BID: variants seen among roughly 807,000 people sequenced by gnomAD.
BID encodes the protein BH3 interacting domain death agonist.
In BID, 19 loss-of-function variants were observed where a neutral mutation model predicts 17.4. That is an observed-to-expected ratio of 1.09 (90% CI 0.76 to 1.60). The LOEUF (loss-of-function observed/expected upper bound fraction) is 1.60, where lower values mean the gene tolerates loss of function less well. BID is among the 40% of genes most tolerant of loss of function. The probability of loss-of-function intolerance (pLI) is 0.00; values close to 1 mark genes in which losing one functional copy is unlikely to be tolerated. For missense variants in BID, 226 were observed against 256.0 expected, an observed-to-expected ratio of 0.88 and a Z score of 0.80; for synonymous variants, 108 against 102.8, an observed-to-expected ratio of 1.05 and a Z score of -0.31.
rs141550557 is a variant in BID at position 17,760,747 on chromosome 22, A to G, written c.-58-10573T>C. Among the ~76,000 whole-genome samples, 10 of 152,244 alleles carry G rather than the reference A, an allele frequency of 6.6e-5. No individual in the cohort carries two copies. In the East Asian group the frequency reaches 1.9e-3, roughly 30 times the overall value. On this transcript the variant is annotated intron_variant, in intron 1 of 5. Transcript: ENST00000622694. The stretch of plus-strand genomic sequence containing the variant: ...TGTCCATGCAGAAGCCTGGGCCCAG[A>G]GGCTCTATTAGTCACTGGTGAAAGC...
chr22:17,756,353 C>G (rs1389086622), intron 1 of BID, among the ~76,000 whole-genome samples: 1 of 152,182 alleles, frequency 6.6e-6, no homozygotes, highest in African/African-American at 2.4e-5. Flanking sequence ...TGGTCGTTTT[C>G]CACTGGGCAA....
intron 1 of BID, among the ~76,000 whole-genome samples, chr22:17,759,786 T>G (rs1427890062): frequency 1.3e-5 from 2 of 152,100 alleles, no homozygotes; most frequent in Non-Finnish European, 2.9e-5. Flanking sequence ...TGCAAATAAC[T>G]ATATCACCAC....
intron 1 of BID, among the ~76,000 whole-genome samples, chr22:17,757,572 G>A (rs984180608): frequency 6.6e-6 from 1 of 151,848 alleles, no homozygotes; most frequent in Admixed American, 6.6e-5. Flanking sequence ...AGCCGGGCGT[G>A]GTGGCGGGCG....
rs2061433595 is a variant in BID at position 17,738,196 on chromosome 22, G to A, written c.397C>T (p.Gln133Ter). 1 of 1,612,206 alleles carries A rather than the reference G, an allele frequency of 6.2e-7. No homozygotes were observed. The highest frequency in any genetic ancestry group is 8.5e-7 in the Non-Finnish European group (1 of 1,180,032). Reference protein sequence around the residue: ...RNRDLATALEQLLQAYPRDME... With the variant: ...RNRDLATALE ...TCTCTAGGGTAGGCCTGCAGCAGCTGCTCCAGGGCAGTGGCCAGGTCCCTG... is the reference window on the plus strand; with the variant it reads ...TCTCTAGGGTAGGCCTGCAGCAGCTACTCCAGGGCAGTGGCCAGGTCCCTG... Residue 133 changes from glutamine to a stop codon, truncating the protein, a stop_gained, in exon 5 of 6, where the codon CAG (glutamine) becomes TAG (stop). Transcript: ENST00000622694. LOFTEE classifies it high-confidence loss of function.
Position 17,755,930 on chromosome 22 carries a change from C to G in BID, c.-58-5756G>C, listed in dbSNP as rs1601861166. Among the ~76,000 whole-genome samples, 3 of 152,232 alleles carry G rather than the reference C, an allele frequency of 2.0e-5. No homozygotes were observed. In the South Asian group the frequency reaches 6.2e-4, roughly 32 times the overall value. ...TCGCCCAGGCAGGAGTACAATGGCA[C>G]GATCTCGGCTCACTGCAACCTCTGC... On this transcript the variant is annotated intron_variant, in intron 1 of 5. Coordinates refer to ENST00000622694, the MANE Select transcript of BID (RefSeq NM_001196.4).
At chr22:17,766,324 C>G (rs1423471382) in intron 1 of BID, among the ~76,000 whole-genome samples, 2 of 150,460 alleles carry the variant, frequency 1.3e-5, no homozygotes, top group African/African-American at 4.9e-5. Flanking sequence ...CTTTGTCGCC[C>G]AGGCTGGAGT....
At chr22:17,737,183 C>T (rs1330062599) in intron 5 of BID, among the ~76,000 whole-genome samples, 1 of 152,074 alleles carries the variant, frequency 6.6e-6, no homozygotes, top group East Asian at 1.9e-4. Flanking sequence ...CTCCTGGCCT[C>T]AAGCAATCCC....
At chr22:17,768,590 G>T (rs796625104) in intron 1 of BID, among the ~76,000 whole-genome samples, 5 of 152,198 alleles carry the variant, frequency 3.3e-5, no homozygotes, top group Non-Finnish European at 7.3e-5. Context: ...AAAGAACAAG[G>T]CTGGGCCGCA....
intron 1 of BID, among the ~76,000 whole-genome samples, chr22:17,772,612 GGCTCC>G (rs1388885675): frequency 3.9e-5 from 6 of 152,198 alleles, no homozygotes; most frequent in Non-Finnish European, 8.8e-5. Flanking sequence ...CTGGAAGGCA[GGCTCC>G]AGTGTCAAAT....
chr22:17,743,935 T>C lies in BID; in HGVS notation c.91A>G (p.Asn31Asp). 1 of 1,613,992 alleles carries C rather than the reference T, an allele frequency of 6.2e-7. No individual in the cohort carries two copies. Among genetic ancestry groups the C allele is most frequent in the Non-Finnish European group, 8.5e-7 (1 of 1,180,044 alleles). ...VFGFLQSCSD[N>D]SFRRELDALG... ...GCGTCCAGCTCTCTGCGGAAGCTGTTGTCAGAACAGCTTTGGAGGAAGCCA... is the reference window on the plus strand; with the variant it reads ...GCGTCCAGCTCTCTGCGGAAGCTGTCGTCAGAACAGCTTTGGAGGAAGCCA... The change falls in exon 3 of 6, where the codon AAC becomes GAC. Residue 31 changes from asparagine (N) to aspartate (D), a missense_variant. Transcript: ENST00000622694.
chr22:17,756,823 C>A (rs2061594692), intron 1 of BID, among the ~76,000 whole-genome samples: 1 of 151,972 alleles, frequency 6.6e-6, no homozygotes, highest in Admixed American at 6.6e-5. Context: ...ATCCGCCCCC[C>A]TCAGCCTCTC....
At chr22:17,747,815 C>T (rs1002033859) in intron 2 of BID, among the ~76,000 whole-genome samples, 4 of 152,002 alleles carry the variant, frequency 2.6e-5, no homozygotes, top group African/African-American at 7.2e-5. Flanking sequence ...CGGTGGCTCA[C>T]GCCTGTAATC....
intron 1 of BID, among the ~76,000 whole-genome samples, chr22:17,760,864 C>T (rs1190969447): frequency 6.6e-6 from 1 of 152,084 alleles, no homozygotes; most frequent in African/African-American, 2.4e-5. Context: ...TGGCCAGATG[C>T]GTTATTCAGA....
In BID at chr22:17,769,883, G is replaced by A. The variant is rs977802462; in HGVS notation, c.-59+4498C>T. Among the ~76,000 whole-genome samples the A allele has an allele frequency of 3.3e-5, 5 of 152,068 alleles. No homozygotes were observed. Among genetic ancestry groups the A allele is most frequent in the Non-Finnish European group, 5.9e-5 (4 of 67,992 alleles). ...ACCAGGCCTGGTCACGTGGTGCCCC[G>A]CCAGGCTTGGGGGTGTGCACTTGCC... On this transcript the variant is annotated intron_variant, in intron 1 of 5. Transcript: ENST00000622694. The surrounding 1 kb of genome is among the most constrained non-coding windows in gnomAD (Gnocchi z 4.8).
At chr22:17,765,077 G>A (rs2061668871) in intron 1 of BID, among the ~76,000 whole-genome samples, 1 of 152,180 alleles carries the variant, frequency 6.6e-6, no homozygotes, top group Admixed American at 6.5e-5. Flanking sequence ...AATTTGCCGA[G>A]TCAGTAAGTA....
At chr22:17,761,596 T>A (rs1004050233) in intron 1 of BID, among the ~76,000 whole-genome samples, 73 of 152,176 alleles carry the variant, frequency 4.8e-4, no homozygotes, top group African/African-American at 1.7e-3. Flanking sequence ...CACGCCCGGC[T>A]AATTTTTTGT....
At chr22:17,756,290 T>A (rs2061582310) in intron 1 of BID, among the ~76,000 whole-genome samples, 1 of 152,240 alleles carries the variant, frequency 6.6e-6, no homozygotes. Flanking sequence ...ACGGGGAAAC[T>A]GGAAATGCGT....
At chr22:17,762,398 A>C (rs2145913414) in intron 1 of BID, among the ~76,000 whole-genome samples, 1 of 152,234 alleles carries the variant, frequency 6.6e-6, no homozygotes, top group South Asian at 2.1e-4. Flanking sequence ...CGGGAGGCTG[A>C]GGCAGAAGAA....
chr22:17,740,176 C>T, intron 3 of BID: 5 of 1,611,524 alleles, frequency 3.1e-6, no homozygotes, highest in Non-Finnish European at 4.2e-6. Context: ...GTCTGACGCC[C>T]CTGCCAGAAG....
Sources: allele counts gnomAD v4.1 joint callset (sites outside exome capture counted in the v4.1 genomes callset), GRCh38; gene constraint gnomAD v4.1.1; non-coding constraint Gnocchi (gnomAD v3.1); transcripts MANE v1.5; gene names NCBI Gene and HGNC (gene_info 2026-07-23, HGNC 2026-07-21).